COL24A1: variants seen among roughly 807,000 people sequenced by gnomAD.
COL24A1 encodes the protein collagen alpha-1(XXIV) chain.
A neutral mutation model predicts 253.9 loss-of-function variants in COL24A1; 224 were observed. That is an observed-to-expected ratio of 0.88 (90% CI 0.79 to 0.99). COL24A1 has a LOEUF of 0.99. Ranked by LOEUF, COL24A1 falls within the 50% of genes least tolerant of loss-of-function variation. The pLI is 0.00. For missense variants in COL24A1, 2,131 were observed against 2,068.5 expected (o/e 1.03, Z -0.59); for synonymous variants, 685 against 673.7 (o/e 1.02, Z -0.26).
chr1:85,909,281 T>C (rs139263941), intron 26 of COL24A1, among the ~76,000 whole-genome samples: 137 of 151,880 alleles, frequency 9.0e-4, no homozygotes, highest in African/African-American at 3.2e-3. Context: ...TCTGATAATA[T>C]AGAAGTTAGT....
chr1:86,017,267 A>C, intron 18 of COL24A1, 63 bp from the exon 19 acceptor site: 1 of 1,358,116 alleles, frequency 7.4e-7, no homozygotes, highest in South Asian at 1.4e-5. Context: ...TAAAAGAAGA[A>C]ACAGGCATAT....
At chr1:86,077,173 G>A (rs1346803558) in intron 7 of COL24A1, among the ~76,000 whole-genome samples, 3 of 152,124 alleles carry the variant, frequency 2.0e-5, no homozygotes, top group African/African-American at 7.2e-5. Flanking sequence ...CCATCAAAAT[G>A]TGGGCAAAGG....
intron 37 of COL24A1, among the ~76,000 whole-genome samples, chr1:85,868,084 G>T (rs1020403889): frequency 7.2e-5 from 11 of 152,106 alleles, no homozygotes; most frequent in Non-Finnish European, 1.5e-4. Context: ...GAGAGAATTT[G>T]TTCAAAATGA....
intron 7 of COL24A1, among the ~76,000 whole-genome samples, chr1:86,067,162 G>A (rs1003951314): frequency 6.6e-6 from 1 of 151,196 alleles, no homozygotes; most frequent in Non-Finnish European, 1.5e-5. Flanking sequence ...AAAAAAAAAA[G>A]AGTTACTTCA....
chr1:85,804,438 C>A (rs918382492), intron 47 of COL24A1, among the ~76,000 whole-genome samples: 2 of 152,256 alleles, frequency 1.3e-5, no homozygotes, highest in Non-Finnish European at 2.9e-5. Flanking sequence ...GAGAAATAAA[C>A]CCCAAAAGGA....
chr1:86,125,137 A>T lies in COL24A1; in HGVS notation c.1199T>A (p.Ile400Asn). The T allele has an allele frequency of 6.2e-7, 1 of 1,613,366 alleles. No homozygotes were observed. The highest frequency in any genetic ancestry group is 2.2e-5 in the East Asian group (1 of 44,840). Residue 400 changes from isoleucine to asparagine, a missense_variant, in exon 3 of 60, where the codon ATT becomes AAT. By Grantham distance (149) the Ile-to-Asn change is moderately radical. Coordinates refer to ENST00000370571, the MANE Select transcript of COL24A1 (RefSeq NM_152890.7). ...GAGATTAGTAATTGTATCTTGTTTA[A>T]TTTGTGGAAGAATAGATGGCATCTT... Reference protein sequence around the residue: ...FKKMPSILPQIKQDTITNLKK... With the variant: ...FKKMPSILPQNKQDTITNLKK...
intron 43 of COL24A1, among the ~76,000 whole-genome samples, chr1:85,827,718 G>A (rs544309382): frequency 6.6e-6 from 1 of 151,932 alleles, no homozygotes; most frequent in Admixed American, 6.6e-5. Flanking sequence ...GCGTAGAGGT[G>A]TTTGTAGTAT....
intron 10 of COL24A1, among the ~76,000 whole-genome samples, chr1:86,050,811 C>A (rs1313570183): frequency 2.0e-5 from 3 of 152,070 alleles, no homozygotes; most frequent in Non-Finnish European, 2.9e-5. Context: ...ATCTGAGAAA[C>A]AAGGGATACA....
At chr1:85,885,017 GTGTGGGCTA>G (rs930816404) in intron 32 of COL24A1, among the ~76,000 whole-genome samples, 1 of 152,070 alleles carries the variant, frequency 6.6e-6, no homozygotes, top group African/African-American at 2.4e-5. Flanking sequence ...TACTGTCCCG[GTGTGGGCTA>G]TGTAGTTGCC....
chr1:85,844,009 T>C (rs1000950572), intron 39 of COL24A1, among the ~76,000 whole-genome samples: 3 of 150,768 alleles, frequency 2.0e-5, no homozygotes, highest in East Asian at 3.9e-4. Context: ...ATGACTCAAA[T>C]AGCAAGAAAA....
intron 24 of COL24A1, among the ~76,000 whole-genome samples, chr1:85,948,452 A>G (rs921284685): frequency 2.3e-5 from 3 of 130,772 alleles, no homozygotes; most frequent in Non-Finnish European, 4.7e-5. Flanking sequence ...TGAACCCGGG[A>G]GGCGGAGCTT....
intron 23 of COL24A1, among the ~76,000 whole-genome samples, chr1:85,962,798 C>G (rs1352394076): frequency 6.6e-6 from 1 of 152,020 alleles, no homozygotes; most frequent in Non-Finnish European, 1.5e-5. Flanking sequence ...ACTGTCTAAA[C>G]AGTAATAATT....
chr1:86,067,111 C>A (rs1701550793), intron 7 of COL24A1, among the ~76,000 whole-genome samples: 2 of 151,484 alleles, frequency 1.3e-5, no homozygotes, highest in Non-Finnish European at 2.9e-5. Flanking sequence ...TGCACTCTAG[C>A]CTGGGTGACA....
Position 85,896,352 on chromosome 1 carries a change from T to A in COL24A1, c.2832+4A>T. Reference sequence around the variant, plus strand: ...CATATGAAATGAGAAAAATCAATGATTACCTTGGCACCTTGTATACCTTGT... The same window carrying A: ...CATATGAAATGAGAAAAATCAATGAATACCTTGGCACCTTGTATACCTTGT... On this transcript the variant is annotated splice_donor_region_variant and intron_variant, in intron 29 of 59. Transcript: ENST00000370571. 1 of 1,612,312 alleles carries A rather than the reference T, an allele frequency of 6.2e-7. No individual in the cohort carries two copies.
intron 5 of COL24A1, among the ~76,000 whole-genome samples, chr1:86,112,129 A>G (rs1206197434): frequency 6.6e-6 from 1 of 152,218 alleles, no homozygotes; most frequent in Non-Finnish European, 1.5e-5. Context: ...ACATTTGTTC[A>G]TTCTTTAAAC....
chr1:86,076,672 C>G (rs1217705747), intron 7 of COL24A1, among the ~76,000 whole-genome samples: 7 of 150,104 alleles, frequency 4.7e-5, no homozygotes, highest in South Asian at 2.1e-4. Context: ...AAAACAGAGG[C>G]CTCAGAAGTA....
chr1:86,125,929 T>C lies in COL24A1; in HGVS notation c.407A>G (p.Gln136Arg), dbSNP rs1337449081. 2 of 1,613,464 alleles carry C rather than the reference T, an allele frequency of 1.2e-6. No individual in the cohort carries two copies. Among genetic ancestry groups the C allele is most frequent in the Admixed American group, 3.3e-5 (2 of 59,836 alleles). The change falls in exon 3 of 60, where the codon CAA becomes CGA. Residue 136 changes from glutamine (Q) to arginine (R), a missense_variant. Transcript: ENST00000370571. ...TACTACTAATTTTTTAGGTAGTAAT[T>C]GTACTCCTAATTGCAGTCTATTTTT... ...RNKNRLQLGV[Q>R]LLPKKLVVHI...
In COL24A1 at chr1:85,953,187, A is replaced by G. The variant is rs192328150; in HGVS notation, c.2562+8062T>C. ...CACTACTAATAAATGCAAACAGTAT[A>G]GTTTTTATGCAAACTAGCTTCAGGG... On this transcript the variant is annotated intron_variant, in intron 24 of 59. Transcript: ENST00000370571. Among the ~76,000 whole-genome samples, 10 of 152,338 alleles carry G rather than the reference A, an allele frequency of 6.6e-5. No individual in the cohort carries two copies. In the South Asian group the frequency reaches 1.0e-3, roughly 16 times the overall value.
At chr1:86,021,182 C>A (rs987760105) in intron 18 of COL24A1, among the ~76,000 whole-genome samples, 1 of 152,056 alleles carries the variant, frequency 6.6e-6, no homozygotes, top group African/African-American at 2.4e-5. Context: ...AGGAACATAA[C>A]ACAATTATTT....
Sources: allele counts gnomAD v4.1 joint callset (sites outside exome capture counted in the v4.1 genomes callset), GRCh38; gene constraint gnomAD v4.1.1; transcripts MANE v1.5; gene names NCBI Gene and HGNC (gene_info 2026-07-23, HGNC 2026-07-21).